Variants in PRKAR1B observed in about 807,000 individuals in gnomAD.
PRKAR1B encodes protein kinase cAMP-dependent type I regulatory subunit beta, also known as cAMP-dependent protein kinase type I-beta regulatory subunit.
Under a neutral mutation model 46.5 loss-of-function variants are expected in PRKAR1B, and 22 were observed. The ratio of observed to expected loss-of-function variants is 0.47; its 90% CI spans 0.34 to 0.68. PRKAR1B has a LOEUF of 0.68. Ranked by LOEUF, PRKAR1B falls within the 30% of genes least tolerant of loss-of-function variation. The pLI, the probability that PRKAR1B is intolerant of heterozygous loss-of-function variation, is 0.01. For synonymous variants in PRKAR1B, 259 were observed against 217.7 expected (o/e 1.19, Z -1.67); for missense variants, 445 against 535.6 (o/e 0.83, Z 1.67).
In PRKAR1B at chr7:578,381, C is replaced by T. The variant is rs113869528; in HGVS notation, c.891+875G>A. Among the ~76,000 whole-genome samples, 827 of 152,262 alleles carry T rather than the reference C, an allele frequency of 5.4e-3. 3 individuals are homozygous for T. The highest frequency in any genetic ancestry group is 0.019 in the African/African-American group (774 of 41,560). ...TCGCCTGCCTGTGGTGGGGCCGTGG[C>T]GTGAGACGGCAAAAATGACTCACAC... On this transcript the variant is annotated intron_variant, in intron 9 of 10. Transcript: ENST00000537384.
chr7:656,910 C>T lies in PRKAR1B; in HGVS notation c.440+20319G>A, dbSNP rs555419371. Among the ~76,000 whole-genome samples, 171 of 121,410 alleles carry T rather than the reference C, an allele frequency of 1.4e-3. 1 individual carries two copies. Among genetic ancestry groups the T allele is most frequent in the Middle Eastern group, 6.6e-3 (1 of 152 alleles). The allele number at this position is 121,410 out of a possible 152,430, so 79.6% of individuals were successfully genotyped here. A position where few individuals can be genotyped will look rare whatever the true frequency, so the allele number is the denominator to read the frequency against. The stretch of plus-strand genomic sequence containing the variant: ...ATGCATGAGTGAATGCATGGATGGA[C>T]GGACGGATGGATGAATGAATGAATG... On this transcript the variant is annotated intron_variant, in intron 4 of 10. Coordinates refer to ENST00000537384, the MANE Select transcript of PRKAR1B (RefSeq NM_001164760.2).
Position 623,576 on chromosome 7 carries a change from A to C in PRKAR1B, c.441-16124T>G, listed in dbSNP as rs572936365. On this transcript the variant is annotated intron_variant, in intron 4 of 10. Coordinates refer to ENST00000537384, the MANE Select transcript of PRKAR1B (RefSeq NM_001164760.2). ...GTCACCCTGGCCTCTCTTCAGCAAC[A>C]ATCCTGTTAGGTCAGTGAAGCCAGA... 6.6e-5 allele frequency among the ~76,000 whole-genome samples: 10 copies of C among 152,274 alleles called. No homozygotes were observed. The South Asian group carries it at 1.0e-3, about 16-fold the overall frequency.
chr7:573,979 G>A (rs992543569), intron 9 of PRKAR1B, among the ~76,000 whole-genome samples: 10 of 152,230 alleles, frequency 6.6e-5, no homozygotes, highest in Non-Finnish European at 1.2e-4. Context: ...CAGGACGCCC[G>A]GCACATACTC....
Position 636,543 on chromosome 7 carries a change from G to T in PRKAR1B, c.441-29091C>A, listed in dbSNP as rs1784118653. ...CTGCCAGCCCTGCCAATGAGGGCTG[G>T]TCCTGGGGCCCCTCCTGCCCCACCC... On this transcript the variant is annotated intron_variant, in intron 4 of 10. Coordinates refer to ENST00000537384, the MANE Select transcript of PRKAR1B (RefSeq NM_001164760.2). Among the ~76,000 whole-genome samples the T allele has an allele frequency of 2.0e-5, 3 of 152,196 alleles. No homozygotes were observed. In the South Asian group the frequency reaches 6.2e-4, roughly 32 times the overall value.
chr7:667,914 C>A lies in PRKAR1B; in HGVS notation c.440+9315G>T, dbSNP rs992439528. Reference sequence around the variant, plus strand: ...TCTGGGGGAGTTGCAGCCTCCCTCACAACCACGTTGCACTATCTTCCTTTA... The same window carrying A: ...TCTGGGGGAGTTGCAGCCTCCCTCAAAACCACGTTGCACTATCTTCCTTTA... On this transcript the variant is annotated intron_variant, in intron 4 of 10. Transcript: ENST00000537384. This position sits in a 1 kb window ranked among gnomAD's most constrained non-coding sequence, Gnocchi z 4.3. Among the ~76,000 whole-genome samples, 4 of 152,240 alleles carry A rather than the reference C, an allele frequency of 2.6e-5. No individual in the cohort carries two copies. Among genetic ancestry groups the A allele is most frequent in the Non-Finnish European group, 5.9e-5 (4 of 68,040 alleles).
At chr7:696,189 C>G (rs1779728946) in intron 2 of PRKAR1B, among the ~76,000 whole-genome samples, 1 of 151,444 alleles carries the variant, frequency 6.6e-6, no homozygotes, top group African/African-American at 2.4e-5. Context: ...GTTGCCCAGG[C>G]TAGTCTCAAG....
At chr7:559,134 G>A (rs1241324199) in intron 9 of PRKAR1B, among the ~76,000 whole-genome samples, 1 of 152,212 alleles carries the variant, frequency 6.6e-6, no homozygotes, top group Non-Finnish European at 1.5e-5. Context: ...TGAACGAGGA[G>A]GCCACATCCC....
intron 2 of PRKAR1B, among the ~76,000 whole-genome samples, chr7:700,997 G>A (rs574160904): frequency 2.5e-4 from 38 of 152,184 alleles, no homozygotes; most frequent in Admixed American, 5.2e-4. Flanking sequence ...AGAGCAGCCT[G>A]GCCAACATGG....
chr7:558,053 C>T (rs190491280), intron 9 of PRKAR1B, among the ~76,000 whole-genome samples: 1 of 152,180 alleles, frequency 6.6e-6, no homozygotes, highest in Admixed American at 6.5e-5. Flanking sequence ...GTGGCTCACG[C>T]CTGTAATCCC....
chr7:710,586 G>A (rs1235096052), intron 2 of PRKAR1B, among the ~76,000 whole-genome samples: 3 of 151,820 alleles, frequency 2.0e-5, no homozygotes, highest in African/African-American at 7.3e-5. Context: ...CAAGATCAAC[G>A]TGGAATTCGA....
At chr7:618,728 A>C (rs1286446592) in intron 4 of PRKAR1B, among the ~76,000 whole-genome samples, 1 of 152,124 alleles carries the variant, frequency 6.6e-6, no homozygotes, top group African/African-American at 2.4e-5. Flanking sequence ...TCCTGTTCAT[A>C]TCCTGTGCCC....
Position 726,169 on chromosome 7 carries a change from G to A in PRKAR1B, c.-23+1041C>T, listed in dbSNP as rs115102796. Among the ~76,000 whole-genome samples, 886 of 152,332 alleles carry A rather than the reference G, an allele frequency of 5.8e-3. 11 individuals are homozygous for A. The highest frequency in any genetic ancestry group is 0.02 in the African/African-American group (840 of 41,574). ...GATAAATTGGCTCTACCTGGGCAGC[G>A]AGTAAGGCGAACCTATTGGGCGGCT... On this transcript the variant is annotated intron_variant, in intron 1 of 10. Transcript: ENST00000537384.
At chr7:647,078 G>A (rs1030589225) in intron 4 of PRKAR1B, among the ~76,000 whole-genome samples, 3 of 152,310 alleles carry the variant, frequency 2.0e-5, no homozygotes, top group South Asian at 4.1e-4. Context: ...CAACATGGCC[G>A]GCCAGAGCCA....
chr7:685,297 T>TACGTATATATACGTATATATATGTATAC (rs1426462782), intron 2 of PRKAR1B, among the ~76,000 whole-genome samples: 1 of 9,062 alleles, frequency 1.1e-4, no homozygotes, highest in African/African-American at 3.9e-4. Flanking sequence ...TATGTATACA[T>TACGTATATATACGTATATATATGTATAC]ATATATATAC....
chr7:633,750 G>GCT (rs1027279733), intron 4 of PRKAR1B, among the ~76,000 whole-genome samples: 3 of 152,186 alleles, frequency 2.0e-5, no homozygotes, highest in Admixed American at 2.0e-4. Flanking sequence ...ATTTAAAGGA[G>GCT]CTGCCCACCT....
intron 9 of PRKAR1B, among the ~76,000 whole-genome samples, chr7:576,231 G>A (rs1339831602): frequency 6.6e-6 from 1 of 151,764 alleles, no homozygotes; most frequent in East Asian, 1.9e-4. Flanking sequence ...CCTCTCCTCT[G>A]CACACGGGCG....
chr7:697,549 A>G (rs775075346), intron 2 of PRKAR1B, among the ~76,000 whole-genome samples: 50 of 152,210 alleles, frequency 3.3e-4, no homozygotes, highest in South Asian at 6.2e-4. Context: ...GAGCAGTTCC[A>G]TGAGCGGCCC....
intron 2 of PRKAR1B, among the ~76,000 whole-genome samples, chr7:684,025 GC>G (rs945633807): frequency 7.3e-5 from 11 of 150,778 alleles, no homozygotes; most frequent in African/African-American, 2.7e-4. Flanking sequence ...ATGCACCAAT[GC>G]CCACCTCCAC....
At chr7:663,253 G>T (rs967420957) in intron 4 of PRKAR1B, among the ~76,000 whole-genome samples, 40 of 152,084 alleles carry the variant, frequency 2.6e-4, no homozygotes, top group Admixed American at 2.6e-3. Flanking sequence ...TTGAGACAGG[G>T]TCTTGCCCTG....
Sources: gnomAD v4.1 joint callset for allele counts (sites outside exome capture counted in the v4.1 genomes callset) on GRCh38, gnomAD v4.1.1 for gene constraint, Gnocchi (gnomAD v3.1) non-coding constraint, MANE v1.5 for transcripts, NCBI Gene and HGNC (gene_info 2026-07-23, HGNC 2026-07-21) for gene names.